SDK2: variants seen among roughly 807,000 people sequenced by gnomAD.
The protein encoded by SDK2 is protein sidekick-2.
In SDK2, 105 loss-of-function variants were observed where a neutral mutation model predicts 253.9. That is an observed-to-expected ratio of 0.41 (90% CI 0.35 to 0.49). SDK2 has a LOEUF of 0.49. SDK2 is among the 20% of genes least tolerant of loss of function. SDK2 has a pLI of 0.06. For synonymous variants in SDK2, 1,249 were observed against 1,234.9 expected, an observed-to-expected ratio of 1.01 and a Z score of -0.24; for missense variants, 2,608 against 3,003.0, an observed-to-expected ratio of 0.87 and a Z score of 3.07.
chr17:73,369,438 C>T (rs2062716030), intron 36 of SDK2, among the ~76,000 whole-genome samples: 1 of 152,246 alleles, frequency 6.6e-6, no homozygotes, highest in African/African-American at 2.4e-5. Flanking sequence ...AGGCTGAATC[C>T]CAGCTGCACC....
At chr17:73,363,146 C>G (rs555650922) in intron 38 of SDK2, among the ~76,000 whole-genome samples, 1 of 152,174 alleles carries the variant, frequency 6.6e-6, no homozygotes, top group Non-Finnish European at 1.5e-5. Flanking sequence ...TGCAATGGCG[C>G]GATCTCAGCT....
chr17:73,446,692 C>T (rs1418472613), intron 5 of SDK2, among the ~76,000 whole-genome samples: 3 of 152,154 alleles, frequency 2.0e-5, no homozygotes, highest in African/African-American at 7.2e-5. Context: ...ATGAGGCTTA[C>T]TTTGGGAGCA....
In SDK2 at chr17:73,618,897, T is replaced by C. The variant is rs1421733720; in HGVS notation, c.64+25128A>G. 1.3e-5 allele frequency among the ~76,000 whole-genome samples: 2 copies of C among 152,180 alleles called. No homozygotes were observed. The highest frequency in any genetic ancestry group is 1.3e-4 in the Admixed American group (2 of 15,274). Reference sequence around the variant, plus strand: ...AAGCAACTATTAGGGCTGGGTGTGGTGGCTCATGCCTGTAATCCCAGCACT... The same window carrying C: ...AAGCAACTATTAGGGCTGGGTGTGGCGGCTCATGCCTGTAATCCCAGCACT... On this transcript the variant is annotated intron_variant, in intron 1 of 44. Transcript: ENST00000392650. The surrounding 1 kb of genome is among the most constrained non-coding windows in gnomAD (Gnocchi z 4.1).
At chr17:73,430,842 T>G (rs1005242508) in intron 11 of SDK2, among the ~76,000 whole-genome samples, 2 of 152,248 alleles carry the variant, frequency 1.3e-5, no homozygotes, top group African/African-American at 2.4e-5. Context: ...GACCATATTT[T>G]CAGCATATCA....
rs139222271 is a variant in SDK2 at position 73,402,136 on chromosome 17, G to T, written c.2490C>A (p.Ile830=). 4.3e-6 allele frequency: 7 copies of T among 1,613,120 alleles called. No homozygotes were observed. Among genetic ancestry groups the T allele is most frequent in the South Asian group, 2.2e-5 (2 of 90,932 alleles). Residue 830 remains isoleucine (I), a synonymous_variant, in exon 19 of 45, where the codon ATC becomes ATA. Transcript: ENST00000392650. ...INGINQGYKL[I]AWEPEQEEEV... ...CCTCTTCCTGTTCCGGCTCCCAGGCGATCAGCTGCGGAGAGGCGAGCAAGT... is the reference window on the plus strand; with the variant it reads ...CCTCTTCCTGTTCCGGCTCCCAGGCTATCAGCTGCGGAGAGGCGAGCAAGT...
intron 18 of SDK2, among the ~76,000 whole-genome samples, chr17:73,404,543 A>G (rs2063055153): frequency 6.6e-6 from 1 of 152,130 alleles, no homozygotes; most frequent in Admixed American, 6.5e-5. Flanking sequence ...CAGAAAAGGA[A>G]ACTGAGGTTC....
intron 2 of SDK2, among the ~76,000 whole-genome samples, chr17:73,500,741 TCTCCTCCATCCTCCATC>T (rs2063884381): frequency 2.2e-5 from 3 of 137,276 alleles, no homozygotes; most frequent in South Asian, 2.4e-4. Context: ...CTCCCTCCAT[TCTCCTCCATCCTCCATC>T]CATCCTTCCT....
rs530000182 is a variant in SDK2 at position 73,471,086 on chromosome 17, C to T, written c.331+1026G>A. Among the ~76,000 whole-genome samples the T allele has an allele frequency of 7.0e-4, 106 of 152,160 alleles. 1 individual carries two copies. Among genetic ancestry groups the T allele is most frequent in the African/African-American group, 2.3e-3 (97 of 41,506 alleles). ...TCGGAGGGAGATCCTCTGGAATTGG[C>T]GGCACGGGGGAGAAGGCCGTTACCC... On this transcript the variant is annotated intron_variant, in intron 3 of 44. Transcript: ENST00000392650.
intron 1 of SDK2, among the ~76,000 whole-genome samples, chr17:73,586,604 GGGT>G (rs1472269957): frequency 7.0e-6 from 1 of 143,396 alleles, no homozygotes; most frequent in African/African-American, 2.9e-5. Flanking sequence ...GGACTGCAGG[GGGT>G]GGGTGGGTGG....
In SDK2 at chr17:73,401,907, CG is replaced by C. The variant is rs367964387; in HGVS notation, c.2680+38del. The C allele has an allele frequency of 8.6e-4, 1,209 of 1,409,276 alleles. 1 individual carries two copies. Among genetic ancestry groups the C allele is most frequent in the African/African-American group, 1.2e-3 (84 of 70,652 alleles). The allele number at this position is 1,409,276 out of a possible 1,614,324, so 87.3% of individuals were successfully genotyped here. A position where few individuals can be genotyped will look rare whatever the true frequency, so the allele number is the denominator to read the frequency against. ...CTGGGGCGCCCAGCCTGGCCTTGGGCGGGGGGGGGCAGAAAGAGCAGGGCTG... is the reference window on the plus strand; with the variant it reads ...CTGGGGCGCCCAGCCTGGCCTTGGGCGGGGGGGGCAGAAAGAGCAGGGCTG... On this transcript the variant is annotated intron_variant, in intron 19 of 44. Transcript: ENST00000392650.
At chr17:73,407,358 A>G (rs539439656) in intron 18 of SDK2, among the ~76,000 whole-genome samples, 11 of 152,314 alleles carry the variant, frequency 7.2e-5, no homozygotes, top group South Asian at 2.1e-4. Flanking sequence ...GAAGAGGCCA[A>G]TGATGGGTCC....
At chr17:73,594,487 G>A (rs1379909704) in intron 1 of SDK2, among the ~76,000 whole-genome samples, 1 of 152,112 alleles carries the variant, frequency 6.6e-6, no homozygotes, top group African/African-American at 2.4e-5. Flanking sequence ...AAGAGAGGGA[G>A]GGGGAGAGAG....
chr17:73,342,294 G>A (rs2062444648), intron 44 of SDK2, among the ~76,000 whole-genome samples: 1 of 152,100 alleles, frequency 6.6e-6, no homozygotes, highest in Non-Finnish European at 1.5e-5. Flanking sequence ...AAGTCCCTGG[G>A]CTCGGTCTGC....
intron 1 of SDK2, among the ~76,000 whole-genome samples, chr17:73,524,489 G>A (rs77186573): frequency 0.011 from 1,688 of 152,276 alleles, 34 homozygotes; most frequent in African/African-American, 0.038. Context: ...AGAATGAGGG[G>A]CTCCTTGTAT....
rs1420524626 is a variant in SDK2, at chr17:73,390,369, G to A, written c.4110C>T (p.Val1370=). ...TCTGGGCCGTGATGCGGAACAGGTA[G>A]ACAGACTCTGGCTTGAGGCCCGTGG... The part of the protein sequence containing the change: ...YTATGLKPES[V]YLFRITAQTR... The change falls in exon 29 of 45, where the codon GTC becomes GTT. Residue 1370 remains valine, a synonymous_variant. Coordinates refer to ENST00000392650, the MANE Select transcript of SDK2 (RefSeq NM_001144952.2). 6.2e-7 allele frequency: 1 copy of A among 1,612,612 alleles called. No individual in the cohort carries two copies. The highest frequency in any genetic ancestry group is 1.3e-5 in the African/African-American group (1 of 75,036).
intron 5 of SDK2, among the ~76,000 whole-genome samples, chr17:73,444,241 C>T (rs563084257): frequency 3.3e-5 from 5 of 152,258 alleles, no homozygotes; most frequent in South Asian, 4.2e-4. Flanking sequence ...TGCAGGGTAC[C>T]GGGCAAGGCC....
chr17:73,619,893 C>T (rs2046107192), intron 1 of SDK2, among the ~76,000 whole-genome samples: 2 of 152,044 alleles, frequency 1.3e-5, no homozygotes. Flanking sequence ...ACAACAACAA[C>T]AAAACATAAT....
rs1039410713 is a variant in SDK2, at chr17:73,530,282, C to T, written c.65-22685G>A. On this transcript the variant is annotated intron_variant, in intron 1 of 44. Coordinates refer to ENST00000392650, the MANE Select transcript of SDK2 (RefSeq NM_001144952.2). ...GGCTGGGGAGGCCGAGGGAAACTTA[C>T]AATCATGGCAGAAGGCGAAGGGGAA... Among the ~76,000 whole-genome samples the T allele has an allele frequency of 2.6e-5, 4 of 152,154 alleles. No individual in the cohort carries two copies. The South Asian group carries it at 8.3e-4, about 32-fold the overall frequency.
At chr17:73,343,154 C>T (rs1167254197) in intron 44 of SDK2, among the ~76,000 whole-genome samples, 1 of 152,246 alleles carries the variant, frequency 6.6e-6, no homozygotes, top group Non-Finnish European at 1.5e-5. Flanking sequence ...TCATCTAGAC[C>T]ATCCCCGTCC....
Sources: gnomAD v4.1 joint callset for allele counts (sites outside exome capture counted in the v4.1 genomes callset) on GRCh38, gnomAD v4.1.1 for gene constraint, Gnocchi (gnomAD v3.1) non-coding constraint, MANE v1.5 for transcripts, NCBI Gene and HGNC (gene_info 2026-07-23, HGNC 2026-07-21) for gene names.